The following ODAD2 variants were observed in gnomAD, a reference collection of about 807,000 sequenced individuals.
ODAD2 encodes outer dynein arm-docking complex subunit 2.
ODAD2 carries 89 observed loss-of-function variants against 106.8 expected under a neutral mutation model. The ratio of observed to expected loss-of-function variants is 0.83; its 90% CI spans 0.70 to 0.99. The LOEUF (loss-of-function observed/expected upper bound fraction) is 0.99, where lower values mean the gene tolerates loss of function less well. ODAD2 is among the 50% of genes least tolerant of loss of function. The probability of loss-of-function intolerance (pLI) is 0.00; values close to 1 mark genes in which losing one functional copy is unlikely to be tolerated. For synonymous variants in ODAD2, 404 were observed against 436.2 expected, an observed-to-expected ratio of 0.93 and a Z score of 0.92; for missense variants, 1,168 against 1,238.5, an observed-to-expected ratio of 0.94 and a Z score of 0.85.
At chr10:27,942,266 A>G (rs991536825) in intron 12 of ODAD2, among the ~76,000 whole-genome samples, 1 of 152,204 alleles carries the variant, frequency 6.6e-6, no homozygotes, top group African/African-American at 2.4e-5. Flanking sequence ...TTCACCAAAA[A>G]TTGGTTAAAT....
intron 10 of ODAD2, among the ~76,000 whole-genome samples, chr10:27,954,410 A>C (rs1305137375): frequency 6.6e-6 from 1 of 152,224 alleles, no homozygotes; most frequent in African/African-American, 2.4e-5. Flanking sequence ...CCAATCAAAA[A>C]TCTGATAAAT....
intron 19 of ODAD2, among the ~76,000 whole-genome samples, chr10:27,822,600 G>C (rs1373499523): frequency 2.6e-5 from 4 of 152,170 alleles, no homozygotes; most frequent in Non-Finnish European, 5.9e-5. Context: ...TTCCAACAGA[G>C]GCTCCACTGC....
chr10:27,939,828 C>A, intron 14 of ODAD2, 69 bp downstream of exon 14: 1 of 832,808 alleles, frequency 1.2e-6, no homozygotes, highest in Non-Finnish European at 1.8e-6. Context: ...AAGGAAACCA[C>A]ATGGTTAGAA....
At chr10:27,849,876 CT>C (rs1315767472) in intron 19 of ODAD2, among the ~76,000 whole-genome samples, 1 of 152,136 alleles carries the variant, frequency 6.6e-6, no homozygotes, top group Admixed American at 6.6e-5. Flanking sequence ...AAAATAGGAG[CT>C]TGTGCATGAT....
chr10:27,840,141 TA>T (rs1838202858), intron 19 of ODAD2, among the ~76,000 whole-genome samples: 1 of 152,186 alleles, frequency 6.6e-6, no homozygotes, highest in Non-Finnish European at 1.5e-5. Flanking sequence ...ACAACTGAGG[TA>T]AAATATTCTA....
chr10:27,895,142 T>C (rs11006761), intron 17 of ODAD2, among the ~76,000 whole-genome samples: 100,363 of 151,404 alleles, frequency 0.66, 33,595 homozygotes, highest in Middle Eastern at 0.74. Context: ...CTAAAACTTA[T>C]ATAATGAACA....
intron 19 of ODAD2, among the ~76,000 whole-genome samples, chr10:27,814,532 C>T (rs1239871913): frequency 6.6e-6 from 1 of 152,208 alleles, no homozygotes; most frequent in Non-Finnish European, 1.5e-5. Flanking sequence ...AGAGTTACAT[C>T]TGGGCCCTGA....
intron 19 of ODAD2, chr10:27,853,321 C>T (rs892022038): frequency 2.2e-5 from 6 of 273,908 alleles, no homozygotes; most frequent in Non-Finnish European, 2.9e-5. Flanking sequence ...GAGCCAAGAT[C>T]GTTGTCACTG....
intron 2 of ODAD2, among the ~76,000 whole-genome samples, chr10:27,992,700 T>G (rs1850302280): frequency 6.6e-6 from 1 of 151,766 alleles, no homozygotes; most frequent in Admixed American, 6.6e-5. Context: ...AATAAATACA[T>G]AAATAACTGT....
intron 19 of ODAD2, among the ~76,000 whole-genome samples, chr10:27,845,758 C>T (rs1838693344): frequency 6.6e-6 from 1 of 152,070 alleles, no homozygotes; most frequent in Non-Finnish European, 1.5e-5. Context: ...CAAAAAAAGG[C>T]AGGAGTTGCA....
chr10:27,862,445 G>T lies in ODAD2; in HGVS notation c.2788C>A (p.Leu930Met). 6.2e-7 allele frequency: 1 copy of T among 1,607,798 alleles called. No individual in the cohort carries two copies. Among genetic ancestry groups the T allele is most frequent in the Middle Eastern group, 1.7e-4 (1 of 6,030 alleles). Residue 930 changes from leucine (L) to methionine (M), a missense_variant, in exon 18 of 20, where the codon CTG (leucine) becomes ATG (methionine). Physicochemically the swap from Leu to Met is conservative, Grantham distance 15 (BLOSUM62 2). Around this residue, in one of 3 missense-constraint regions of ODAD2, gnomAD observed 701 missense variants for 712.3 expected, o/e 0.98. Coordinates refer to ENST00000305242, the MANE Select transcript of ODAD2 (RefSeq NM_018076.5). ...GATGTGTTACTTACTGTATTTGCCAGTTTGGACAATAAAGGAACAACTCCA... is the reference window on the plus strand; with the variant it reads ...GATGTGTTACTTACTGTATTTGCCATTTTGGACAATAAAGGAACAACTCCA... ...DHGVVPLLSK[L>M]ANTNNNKLRH...
chr10:27,943,375 G>A lies in ODAD2; in HGVS notation c.1743+847C>T, dbSNP rs192416705. 1.7e-3 allele frequency among the ~76,000 whole-genome samples: 253 copies of A among 151,254 alleles called. 1 individual carries two copies. The highest frequency in any genetic ancestry group is 5.8e-3 in the African/African-American group (237 of 40,732). On this transcript the variant is annotated intron_variant, in intron 12 of 19. Transcript: ENST00000305242. ...AGCAATTTGTGTGTTTATTTCTAGT[G>A]GTTTTTTTTAAAGATGGTAGGTACA... is the stretch of plus-strand genomic sequence containing the variant.
chr10:27,941,888 G>A (rs966170755), intron 12 of ODAD2, among the ~76,000 whole-genome samples: 5 of 152,136 alleles, frequency 3.3e-5, no homozygotes, highest in South Asian at 4.1e-4. Flanking sequence ...TAATAGCCTA[G>A]GCTAGGTAGA....
intron 19 of ODAD2, among the ~76,000 whole-genome samples, chr10:27,852,960 C>CAAAAAAAAAAAAAAAAA (rs61548333): frequency 1.2e-5 from 1 of 84,758 alleles, no homozygotes; most frequent in African/African-American, 4.5e-5. Context: ...GACACAGTCT[C>CAAAAAAAAAAAAAAAAA]AAAAAAAAAA....
intron 17 of ODAD2, among the ~76,000 whole-genome samples, chr10:27,867,751 A>T (rs1241774611): frequency 1.3e-5 from 2 of 152,164 alleles, no homozygotes; most frequent in African/African-American, 4.8e-5. Context: ...GGAGGTTGAG[A>T]CCAGCCTGGC....
intron 3 of ODAD2, among the ~76,000 whole-genome samples, 191 bp downstream of exon 3, chr10:27,987,195 G>A (rs1221746562): frequency 6.6e-6 from 1 of 152,218 alleles, no homozygotes; most frequent in African/African-American, 2.4e-5. Context: ...GCAGAAATTT[G>A]ATAGGAGCAT....
intron 9 of ODAD2, among the ~76,000 whole-genome samples, chr10:27,964,205 C>G (rs1392266033): frequency 6.6e-6 from 1 of 152,040 alleles, no homozygotes; most frequent in Non-Finnish European, 1.5e-5. Context: ...CTGGATGACA[C>G]AGCAACACTC....
intron 7 of ODAD2, among the ~76,000 whole-genome samples, chr10:27,973,021 A>G (rs909749038): frequency 3.9e-5 from 6 of 152,184 alleles, no homozygotes; most frequent in Non-Finnish European, 8.8e-5. Context: ...ATGAACATTA[A>G]TAAGTTTAAA....
intron 11 of ODAD2, 108 bp from the exon 12 acceptor site, chr10:27,944,539 A>G (rs962340160): frequency 2.2e-5 from 23 of 1,046,308 alleles, no homozygotes; most frequent in Non-Finnish European, 2.8e-5. Flanking sequence ...TTAAGAAATC[A>G]TTTCCATTCC....
Sources: allele counts gnomAD v4.1 joint callset (sites outside exome capture counted in the v4.1 genomes callset), GRCh38; gene constraint gnomAD v4.1.1; regional missense constraint gnomAD v4.1.1; transcripts MANE v1.5; gene names NCBI Gene and HGNC (gene_info 2026-07-23, HGNC 2026-07-21).